The following GMFG variants were observed in gnomAD, a reference collection of about 807,000 sequenced individuals.
The protein encoded by GMFG is glia maturation factor gamma.
In GMFG, 21 loss-of-function variants were observed where a neutral mutation model predicts 26.1. The observed-to-expected ratio is 0.80, with a 90% CI of 0.57 to 1.16. The LOEUF (loss-of-function observed/expected upper bound fraction) is 1.16. GMFG is among the 50% of genes most tolerant of loss of function. GMFG has a pLI of 0.00. For missense variants in GMFG, 161 were observed against 178.3 expected, an observed-to-expected ratio of 0.90 and a Z score of 0.55; for synonymous variants, 65 against 60.8, an observed-to-expected ratio of 1.07 and a Z score of -0.32.
chr19:39,330,579 C>G (rs1009104393), intron 4 of GMFG, among the ~76,000 whole-genome samples: 37 of 151,262 alleles, frequency 2.4e-4, no homozygotes, highest in Non-Finnish European at 1.5e-4. Flanking sequence ...TAGGTGCACA[C>G]CACCATGCCC....
intron 6 of GMFG, 118 bp from the exon 7 acceptor site, chr19:39,328,666 G>C (rs1014222958): frequency 1.3e-6 from 1 of 741,690 alleles, no homozygotes; most frequent in Non-Finnish European, 2.4e-6. Flanking sequence ...ATCACTTAAG[G>C]TCAGGAGTTC....
chr19:39,328,425 C>G lies in GMFG; in HGVS notation c.*52G>C. On this transcript the variant is annotated 3_prime_UTR_variant, in exon 7 of 7. Transcript: ENST00000597595. The stretch of plus-strand genomic sequence containing the variant: ...GTTCAGGTCCTAGGGGTTCCAAGTC[C>G]CCAGTCACCTTGAGGACTCAGACAT... 16 of 1,207,854 alleles carry G rather than the reference C, an allele frequency of 1.3e-5. No homozygotes were observed. Among genetic ancestry groups the G allele is most frequent in the Non-Finnish European group, 1.6e-5 (13 of 809,690 alleles). 74.8% of individuals were successfully genotyped at this position (1,207,854 alleles called of 1,614,324 possible).
intron 3 of GMFG, among the ~76,000 whole-genome samples, chr19:39,334,959 C>A (rs929182053): frequency 5.9e-5 from 9 of 152,188 alleles, no homozygotes; most frequent in Non-Finnish European, 1.3e-4. Flanking sequence ...CAGCGATTCT[C>A]CTGCCTCGGC....
chr19:39,333,273 C>T (rs1297291302), intron 3 of GMFG, 147 bp from the exon 4 acceptor site: 4 of 406,114 alleles, frequency 9.8e-6, no homozygotes, highest in South Asian at 2.4e-5. Flanking sequence ...GGGTGAAACC[C>T]GTCTCTACTA....
chr19:39,329,457 A>G, intron 5 of GMFG, 87 bp downstream of exon 5: 1 of 778,284 alleles, frequency 1.3e-6, no homozygotes, highest in East Asian at 2.6e-5. Flanking sequence ...CTCTTACACA[A>G]GTGCCTGCAC....
In GMFG at chr19:39,335,977, G is replaced by T; in HGVS notation, c.-1C>A. 6.2e-7 allele frequency: 1 copy of T among 1,600,870 alleles called. No homozygotes were observed. Among genetic ancestry groups the T allele is most frequent in the Non-Finnish European group, 8.6e-7 (1 of 1,168,106 alleles). ...CATAGAACCCCTGGCCCCTGACCAT[G>T]ATTGTTCTGTCCACAGGCCTCTTCT... is the stretch of plus-strand genomic sequence containing the variant. On this transcript the variant is annotated 5_prime_UTR_variant, in exon 1 of 7. Transcript: ENST00000597595.
rs919925319 is a variant in GMFG, at chr19:39,328,546, C to G, written c.360G>C (p.Val120=). Residue 120 remains valine (V), a splice_region_variant and synonymous_variant, in exon 7 of 7, where the codon GTG becomes GTC. Transcript: ENST00000597595. ...GGTCATCAGTGGTGCGGATTTCGAACACCTGGGCAGAGAGAGGTCTCGGCA... is the reference window on the plus strand; with the variant it reads ...GGTCATCAGTGGTGCGGATTTCGAAGACCTGGGCAGAGAGAGGTCTCGGCA... ...RLVQTAELTK[V]FEIRTTDDLT... is the part of the protein sequence containing the mutation. The G allele has an allele frequency of 5.6e-6, 9 of 1,610,598 alleles. No homozygotes were observed. The African/African-American group carries it at 9.4e-5, about 17-fold the overall frequency.
intron 4 of GMFG, chr19:39,332,762 G>A (rs1269243684): frequency 1.7e-5 from 4 of 240,600 alleles, no homozygotes; most frequent in South Asian, 4.0e-5. Flanking sequence ...AGGTTCAAGC[G>A]ATTCTCGTGC....
intron 5 of GMFG, 126 bp downstream of exon 5, chr19:39,329,418 A>C: frequency 1.5e-6 from 1 of 683,038 alleles, no homozygotes; most frequent in East Asian, 2.7e-5. Flanking sequence ...ATCCTCACCC[A>C]GTCACACACA....
At chr19:39,335,689 T>C (rs2075246793) in intron 1 of GMFG, 158 bp from the exon 2 acceptor site, 2 of 658,178 alleles carry the variant, frequency 3.0e-6, no homozygotes, top group East Asian at 5.4e-5. Context: ...ACAGAGTAGA[T>C]ACCCCTCACC....
chr19:39,335,568 G>T, intron 1 of GMFG, 37 bp from the exon 2 acceptor site: 3 of 1,385,476 alleles, frequency 2.2e-6, no homozygotes, highest in Non-Finnish European at 2.1e-6. Flanking sequence ...AAATGGCCTG[G>T]CCTCAGCCCT....
intron 4 of GMFG, among the ~76,000 whole-genome samples, chr19:39,332,365 G>A (rs2145054351): frequency 6.6e-6 from 1 of 151,300 alleles, no homozygotes; most frequent in African/African-American, 2.4e-5. Flanking sequence ...ACAAGGTCTT[G>A]CTATGTTGCC....
At chr19:39,332,066 G>A (rs1204540581) in intron 4 of GMFG, among the ~76,000 whole-genome samples, 1 of 151,630 alleles carries the variant, frequency 6.6e-6, no homozygotes, top group Non-Finnish European at 1.5e-5. Context: ...TCCTCCACCA[G>A]GCGCGGTGGC....
At chr19:39,329,413 C>T in intron 5 of GMFG, 131 bp downstream of exon 5, 2 of 677,636 alleles carry the variant, frequency 3.0e-6, no homozygotes, top group East Asian at 5.4e-5. Context: ...CACACATCCT[C>T]ACCCAGTCAC....
At position 39,335,419 on chromosome 19, in the gene GMFG, G is replaced by A; in HGVS notation, c.100+16C>T. The A allele has an allele frequency of 4.4e-6, 7 of 1,600,142 alleles. No homozygotes were observed. Among genetic ancestry groups the A allele is most frequent in the Non-Finnish European group, 6.0e-6 (7 of 1,167,266 alleles). ...CACCGCCCTCCCATCCTTCTGTGGG[G>A]GAAGATGTCACTCACTTATGATGGC... On this transcript the variant is annotated intron_variant, in intron 2 of 6. Coordinates refer to ENST00000597595, the MANE Select transcript of GMFG (RefSeq NM_004877.4).
intron 6 of GMFG, 128 bp from the exon 7 acceptor site, chr19:39,328,676 C>T (rs149614896): frequency 3.9e-4 from 272 of 696,576 alleles, no homozygotes; most frequent in Middle Eastern, 3.5e-4. Flanking sequence ...GTCAGGAGTT[C>T]GAGACCAGCC....
chr19:39,328,424 C>T lies in GMFG; in HGVS notation c.*53G>A. On this transcript the variant is annotated 3_prime_UTR_variant, in exon 7 of 7. Transcript: ENST00000597595. ...TGTTCAGGTCCTAGGGGTTCCAAGT[C>T]CCCAGTCACCTTGAGGACTCAGACA... 1 of 1,190,784 alleles carries T rather than the reference C, an allele frequency of 8.4e-7. No homozygotes were observed. The highest frequency in any genetic ancestry group is 1.3e-6 in the Non-Finnish European group (1 of 794,148). 73.8% of individuals were successfully genotyped at this position (1,190,784 alleles called of 1,614,324 possible).
chr19:39,333,148 A>G, intron 3 of GMFG, 22 bp from the exon 4 acceptor site: 1 of 1,563,660 alleles, frequency 6.4e-7, no homozygotes, highest in Non-Finnish European at 8.8e-7. Context: ...AAACAGAAGA[A>G]AAGACAAAGA....
intron 6 of GMFG, 129 bp from the exon 7 acceptor site, chr19:39,328,677 G>GT: frequency 1.4e-6 from 1 of 697,012 alleles, no homozygotes; most frequent in South Asian, 1.5e-5. Context: ...TCAGGAGTTC[G>GT]AGACCAGCCT....
Sources: allele counts gnomAD v4.1 joint callset (sites outside exome capture counted in the v4.1 genomes callset), GRCh38; gene constraint gnomAD v4.1.1; transcripts MANE v1.5; gene names NCBI Gene and HGNC (gene_info 2026-07-23, HGNC 2026-07-21).